The following CDK12 variants were observed in gnomAD, a reference collection of about 807,000 sequenced individuals.
The protein encoded by CDK12 is cyclin-dependent kinase 12.
A neutral mutation model predicts 133.8 loss-of-function variants in CDK12; 17 were observed. The observed-to-expected ratio is 0.13, with a 90% CI of 0.09 to 0.19. CDK12 has a LOEUF of 0.19. Among genes scored for constraint, CDK12 ranks in the 10% least tolerant of loss-of-function variants. The probability of loss-of-function intolerance (pLI) is 1.00; values close to 1 mark genes in which losing one functional copy is unlikely to be tolerated. For synonymous variants in CDK12, 694 were observed against 683.6 expected (o/e 1.02, Z -0.24); for missense variants, 1,508 against 1,818.7 (o/e 0.83, Z 3.11).
intron 2 of CDK12, among the ~76,000 whole-genome samples, chr17:39,482,506 G>A (rs374407911): frequency 8.7e-5 from 13 of 150,068 alleles, no homozygotes; most frequent in East Asian, 5.9e-4. Context: ...AACACTTCAC[G>A]AATTTGTGTC....
At chr17:39,563,400 T>C (rs1281667520) in intron 3 of CDK12, among the ~76,000 whole-genome samples, 2 of 149,766 alleles carry the variant, frequency 1.3e-5, no homozygotes, top group Non-Finnish European at 3.0e-5. Flanking sequence ...ATTCTCTCTC[T>C]CTCTCTCTTT....
At chr17:39,506,872 G>T (rs1356359121) in intron 6 of CDK12, among the ~76,000 whole-genome samples, 1 of 151,976 alleles carries the variant, frequency 6.6e-6, no homozygotes, top group African/African-American at 2.4e-5. Context: ...CTTTTGTATT[G>T]TATTTTATTT....
Position 39,480,540 on chromosome 17 carries a change from C to T in CDK12, c.1931+8777C>T, listed in dbSNP as rs191673167. Among the ~76,000 whole-genome samples the T allele has an allele frequency of 1.3e-4, 20 of 152,128 alleles. No homozygotes were observed. In the Middle Eastern group the frequency reaches 0.01, roughly 78 times the overall value. ...CACTGCAACCTCTGCCTCCTGGGTT[C>T]TAGCGATCCACCTTCCTCAGTCTCC... On this transcript the variant is annotated intron_variant, in intron 2 of 13. Transcript: ENST00000447079.
rs2050237872 is a variant in CDK12 at position 39,476,731 on chromosome 17, T to TTTTTTTTTG, written c.1931+4976_1931+4977insGTTTTTTTT. Among the ~76,000 whole-genome samples, 4 of 125,136 alleles carry TTTTTTTTTG rather than the reference T, an allele frequency of 3.2e-5. 1 individual carries two copies. In the South Asian group the frequency reaches 1.1e-3, roughly 35 times the overall value. The allele number at this position is 125,136 out of a possible 152,430, so 82.1% of individuals were successfully genotyped here. A position where few individuals can be genotyped will look rare whatever the true frequency, so the allele number is the denominator to read the frequency against. On this transcript the variant is annotated intron_variant, in intron 2 of 13. Transcript: ENST00000447079. ...CCTGCCTTTTTTTTTTTTTTTTTTT[T>TTTTTTTTTG]TTTTTTTTTGAGACAGAGTTCTGCT...
At chr17:39,496,435 C>T (rs1377563121) in intron 5 of CDK12, among the ~76,000 whole-genome samples, 2 of 152,032 alleles carry the variant, frequency 1.3e-5, no homozygotes, top group Non-Finnish European at 2.9e-5. Context: ...TGCAGTGGCT[C>T]ACCCCTGTAA....
chr17:39,524,386 A>G (rs2054367659), intron 11 of CDK12, among the ~76,000 whole-genome samples: 1 of 152,196 alleles, frequency 6.6e-6, no homozygotes, highest in Non-Finnish European at 1.5e-5. Context: ...TATGCCAAGG[A>G]AAGACAGTAT....
At chr17:39,473,930 G>C (rs892780984) in intron 2 of CDK12, among the ~76,000 whole-genome samples, 1 of 151,874 alleles carries the variant, frequency 6.6e-6, no homozygotes, top group South Asian at 2.1e-4. Flanking sequence ...GGTGGCAGGC[G>C]CCTGTAATCC....
intron 2 of CDK12, among the ~76,000 whole-genome samples, chr17:39,475,427 T>G (rs893834332): frequency 1.1e-4 from 17 of 152,122 alleles, no homozygotes; most frequent in Non-Finnish European, 2.2e-4. Context: ...GAACTATGAT[T>G]GGGCCACTGT....
Position 39,471,126 on chromosome 17 carries a change from A to C in CDK12, c.1294A>C (p.Asn432His), listed in dbSNP as rs748009677. The C allele has an allele frequency of 1.7e-5, 27 of 1,606,520 alleles. No individual in the cohort carries two copies. The highest frequency in any genetic ancestry group is 2.0e-5 in the Non-Finnish European group (24 of 1,177,736). Residue 432 changes from asparagine (N) to histidine (H), a missense_variant, in exon 2 of 14, where the codon AAC becomes CAC. Around this residue, in one of 9 missense-constraint regions of CDK12, gnomAD observed 347 missense variants for 330.8 expected, o/e 1.05. Transcript: ENST00000447079. The part of the protein sequence containing the change: ...GSPVFLPRKE[N>H]SSVEAKDSGL... Reference sequence around the variant, plus strand: ...ACCTGTATTTTTGCCTAGAAAAGAGAACAGTTCAGTAGAGGCTAAGGATTC... The same window carrying C: ...ACCTGTATTTTTGCCTAGAAAAGAGCACAGTTCAGTAGAGGCTAAGGATTC...
At chr17:39,492,933 T>C (rs754881834) in intron 4 of CDK12, 43 bp downstream of exon 4, 21 of 1,511,844 alleles carry the variant, frequency 1.4e-5, no homozygotes, top group Non-Finnish European at 1.9e-5. Context: ...ATGTTAACAA[T>C]TTAGCAATAC....
chr17:39,509,788 G>T, intron 7 of CDK12, 27 bp downstream of exon 7: 1 of 1,543,386 alleles, frequency 6.5e-7, no homozygotes, highest in South Asian at 1.1e-5. Context: ...AATTACATGT[G>T]GGAAATAAGG....
intron 2 of CDK12, among the ~76,000 whole-genome samples, chr17:39,488,616 A>G (rs567528365): frequency 2.0e-5 from 3 of 152,238 alleles, no homozygotes; most frequent in Admixed American, 6.6e-5. Flanking sequence ...TTAGCGATAG[A>G]GTAGTATTAA....
chr17:39,471,652 T>G lies in CDK12; in HGVS notation c.1820T>G (p.Val607Gly), dbSNP rs773067037. The G allele has an allele frequency of 1.9e-6, 3 of 1,613,926 alleles. No homozygotes were observed. Among genetic ancestry groups the G allele is most frequent in the Non-Finnish European group, 2.5e-6 (3 of 1,179,978 alleles). ...GCAAATTCTCAGCCCCCTGTACAGG[T>G]TTCTGTGAAGACTCAAGTATCTGTA... is the stretch of plus-strand genomic sequence containing the variant. ...SQANSQPPVQ[V>G]SVKTQVSVTA... The change falls in exon 2 of 14, where the codon GTT (valine) becomes GGT (glycine). Residue 607 changes from valine to glycine, a missense_variant. Val to Gly is a moderately radical substitution (Grantham distance 109). Coordinates refer to ENST00000447079, the MANE Select transcript of CDK12 (RefSeq NM_016507.4).
At position 39,481,633 on chromosome 17, in the gene CDK12, GCTCTCTCTCTCTCTCTCTCT is replaced by G. The variant is rs58047556; in HGVS notation, c.1932-8865_1932-8846del. 8.9e-3 allele frequency among the ~76,000 whole-genome samples: 157 copies of G among 17,610 alleles called. 17 individuals are homozygous for G. Among genetic ancestry groups the G allele is most frequent in the Middle Eastern group, 0.05 (1 of 20 alleles). 11.6% of individuals were successfully genotyped at this position (17,610 alleles called of 152,430 possible). On this transcript the variant is annotated intron_variant, in intron 2 of 13. Transcript: ENST00000447079. The stretch of plus-strand genomic sequence containing the variant: ...CACTTATGTGCTTGCTCGCTCGCGC[GCTCTCTCTCTCTCTCTCTCT>G]CTCTCTCTCTCTCTCTCTCTCTCTC...
intron 6 of CDK12, among the ~76,000 whole-genome samples, chr17:39,507,377 G>C (rs1199754459): frequency 1.3e-5 from 2 of 151,214 alleles, no homozygotes; most frequent in South Asian, 2.1e-4. Context: ...ACCTGAGGTA[G>C]GGAGTTCAAG....
chr17:39,494,510 AT>A lies in CDK12; in HGVS notation c.2249-11del, dbSNP rs2051913811. On this transcript the variant is annotated splice_polypyrimidine_tract_variant and intron_variant, in intron 4 of 13. Coordinates refer to ENST00000447079, the MANE Select transcript of CDK12 (RefSeq NM_016507.4). ...ATGCTCATTGATAATAACAGTTTACATTTGTTTTGGCAGGAGAACTAGTGGC... is the reference window on the plus strand; with the variant it reads ...ATGCTCATTGATAATAACAGTTTACATTGTTTTGGCAGGAGAACTAGTGGC... 1.9e-6 allele frequency: 3 copies of A among 1,613,020 alleles called. No individual in the cohort carries two copies. Among genetic ancestry groups the A allele is most frequent in the Non-Finnish European group, 2.5e-6 (3 of 1,179,232 alleles).
At chr17:39,516,168 A>AT (rs2053789530) in intron 9 of CDK12, among the ~76,000 whole-genome samples, 1 of 152,222 alleles carries the variant, frequency 6.6e-6, no homozygotes, top group African/African-American at 2.4e-5. Flanking sequence ...GGATTCAGAG[A>AT]TAAAAAATAG....
chr17:39,564,143 G>A (rs1358280395), intron 3 of CDK12, among the ~76,000 whole-genome samples: 1 of 152,158 alleles, frequency 6.6e-6, no homozygotes, highest in African/African-American at 2.4e-5. Context: ...GAGGATACCT[G>A]GAGGACCTTA....
chr17:39,522,544 C>T (rs372475130), intron 11 of CDK12, among the ~76,000 whole-genome samples: 34 of 152,206 alleles, frequency 2.2e-4, no homozygotes, highest in South Asian at 1.2e-3. Context: ...AAGCGATTCC[C>T]GTGCCTCAGC....
Sources: gnomAD v4.1 joint callset for allele counts (sites outside exome capture counted in the v4.1 genomes callset) on GRCh38, gnomAD v4.1.1 for gene constraint, gnomAD v4.1.1 regional missense constraint, MANE v1.5 for transcripts, NCBI Gene and HGNC (gene_info 2026-07-23, HGNC 2026-07-21) for gene names.